The following SIK3 variants were observed in gnomAD, a reference collection of about 807,000 sequenced individuals.
The protein encoded by SIK3 is SIK family kinase 3.
SIK3 carries 28 observed loss-of-function variants against 144.2 expected under a neutral mutation model. The ratio of observed to expected loss-of-function variants is 0.19; its 90% CI spans 0.14 to 0.27. The LOEUF (loss-of-function observed/expected upper bound fraction) is 0.27, where lower values mean the gene tolerates loss of function less well. Among genes scored for constraint, SIK3 ranks in the 10% least tolerant of loss-of-function variants. The pLI is 1.00. For synonymous variants in SIK3, 686 were observed against 676.3 expected (o/e 1.01, Z -0.22); for missense variants, 1,319 against 1,776.0 (o/e 0.74, Z 4.62).
At chr11:117,072,031 A>G (rs1410656651) in intron 1 of SIK3, among the ~76,000 whole-genome samples, 1 of 152,156 alleles carries the variant, frequency 6.6e-6, no homozygotes, top group Non-Finnish European at 1.5e-5. Context: ...GAATTAACTC[A>G]AATCACTGAT....
At chr11:116,945,734 G>T (rs981411720) in intron 3 of SIK3, among the ~76,000 whole-genome samples, 1 of 152,088 alleles carries the variant, frequency 6.6e-6, no homozygotes, top group African/African-American at 2.4e-5. Flanking sequence ...TTACACACAG[G>T]TAATTGAGCA....
intron 1 of SIK3, among the ~76,000 whole-genome samples, chr11:117,053,866 C>T (rs1953384867): frequency 6.6e-6 from 1 of 152,090 alleles, no homozygotes; most frequent in Non-Finnish European, 1.5e-5. Flanking sequence ...AGGCTGGTCT[C>T]GAACTCCTGA....
chr11:117,069,305 T>C (rs924514122), intron 1 of SIK3, among the ~76,000 whole-genome samples: 11 of 151,702 alleles, frequency 7.3e-5, no homozygotes, highest in Admixed American at 1.3e-4. Context: ...TATAAATAAA[T>C]ACATGGCCAT....
At chr11:116,878,448 C>T (rs1201111822) in intron 6 of SIK3, among the ~76,000 whole-genome samples, 1 of 150,626 alleles carries the variant, frequency 6.6e-6, no homozygotes, top group Non-Finnish European at 1.5e-5. Flanking sequence ...TGTGCGATCT[C>T]GGCTCACTGC....
chr11:116,848,915 A>G (rs1942206322), intron 22 of SIK3, among the ~76,000 whole-genome samples: 1 of 152,216 alleles, frequency 6.6e-6, no homozygotes, highest in Admixed American at 6.5e-5. Context: ...GTGAGCTGAT[A>G]TCGCGCCACT....
chr11:117,094,294 C>A (rs919112617), intron 1 of SIK3, among the ~76,000 whole-genome samples: 2 of 152,100 alleles, frequency 1.3e-5, no homozygotes, highest in Admixed American at 1.3e-4. Flanking sequence ...TATAGTCATG[C>A]ATACTTTAAA....
chr11:116,936,425 C>G (rs1039305026), intron 3 of SIK3, among the ~76,000 whole-genome samples: 1 of 152,192 alleles, frequency 6.6e-6, no homozygotes, highest in Admixed American at 6.5e-5. Flanking sequence ...ATGCACCTAC[C>G]TCAGCCTCCC....
chr11:116,951,453 A>G (rs570513821), intron 3 of SIK3, among the ~76,000 whole-genome samples: 2 of 152,320 alleles, frequency 1.3e-5, no homozygotes, highest in Non-Finnish European at 2.9e-5. Context: ...GTTACAATAT[A>G]TAATTATAGG....
chr11:116,966,921 C>T (rs1949570168), intron 1 of SIK3, among the ~76,000 whole-genome samples: 1 of 148,334 alleles, frequency 6.7e-6, no homozygotes, highest in Non-Finnish European at 1.5e-5. Flanking sequence ...AGGGGAATTG[C>T]TTGAACCAGG....
chr11:117,002,222 C>A (rs1431838318), intron 1 of SIK3, among the ~76,000 whole-genome samples: 1 of 152,214 alleles, frequency 6.6e-6, no homozygotes, highest in Non-Finnish European at 1.5e-5. Context: ...GGGCTACATG[C>A]GTCCCAGGAC....
At position 117,058,260 on chromosome 11, in the gene SIK3, A is replaced by G; in HGVS notation, c.273+39883T>C. Among the ~76,000 whole-genome samples, 2 of 152,248 alleles carry G rather than the reference A, an allele frequency of 1.3e-5. 1 individual carries two copies. Among genetic ancestry groups the G allele is most frequent in the Admixed American group, 1.3e-4 (2 of 15,288 alleles). On this transcript the variant is annotated intron_variant, in intron 1 of 24. Coordinates refer to ENST00000445177, the MANE Select transcript of SIK3 (RefSeq NM_001366686.3). ...CCTCTGGCCAGGTGCAGTGGCTCAC[A>G]CCTGTAATCCCAGCACTTTGGCAGG... is the stretch of plus-strand genomic sequence containing the variant.
chr11:117,048,708 G>A lies in SIK3; in HGVS notation c.273+49435C>T, dbSNP rs557320210. On this transcript the variant is annotated intron_variant, in intron 1 of 24. Transcript: ENST00000445177. Reference sequence around the variant, plus strand: ...TTATTAAACCAACTTCTTTCTCCCAGTATCTACTAAGAAAGGTCTATGCGG... The same window carrying A: ...TTATTAAACCAACTTCTTTCTCCCAATATCTACTAAGAAAGGTCTATGCGG... Among the ~76,000 whole-genome samples the A allele has an allele frequency of 3.7e-4, 57 of 152,116 alleles. No individual in the cohort carries two copies. In the Middle Eastern group the frequency reaches 0.01, roughly 27 times the overall value.
intron 6 of SIK3, among the ~76,000 whole-genome samples, chr11:116,893,208 T>C (rs992960333): frequency 6.6e-6 from 1 of 152,184 alleles, no homozygotes; most frequent in African/African-American, 2.4e-5. Flanking sequence ...CTATGGACTT[T>C]GGGTGATAAT....
chr11:116,930,599 C>T (rs1205683142), intron 3 of SIK3, among the ~76,000 whole-genome samples: 1 of 152,154 alleles, frequency 6.6e-6, no homozygotes, highest in Non-Finnish European at 1.5e-5. Context: ...GTAAAATGTA[C>T]GTTGAACCTT....
intron 1 of SIK3, among the ~76,000 whole-genome samples, chr11:116,962,813 T>C (rs1460709926): frequency 6.6e-6 from 1 of 152,186 alleles, no homozygotes; most frequent in African/African-American, 2.4e-5. Flanking sequence ...CATTTTTATA[T>C]TGATTACATG....
At chr11:117,031,019 TGA>T (rs2135796149) in intron 1 of SIK3, among the ~76,000 whole-genome samples, 1 of 152,354 alleles carries the variant, frequency 6.6e-6, no homozygotes, top group Admixed American at 6.5e-5. Flanking sequence ...TTTTTAATAC[TGA>T]GTTTGGAGTT....
At chr11:117,055,982 A>T (rs1412325437) in intron 1 of SIK3, among the ~76,000 whole-genome samples, 2 of 152,256 alleles carry the variant, frequency 1.3e-5, no homozygotes, top group Non-Finnish European at 2.9e-5. Flanking sequence ...TGTTATTTAT[A>T]AATTACCCAG....
At position 117,009,594 on chromosome 11, in the gene SIK3, A is replaced by C. The variant is rs923646752; in HGVS notation, c.274-52530T>G. ...AAACAAAACAGAGAAACTCTGACGC[A>C]AAAGTCAAGATTTATTGTTTAAAAT... On this transcript the variant is annotated intron_variant, in intron 1 of 24. Transcript: ENST00000445177. 2.0e-5 allele frequency among the ~76,000 whole-genome samples: 3 copies of C among 152,140 alleles called. No individual in the cohort carries two copies. The East Asian group carries it at 5.8e-4, about 29-fold the overall frequency.
intron 6 of SIK3, among the ~76,000 whole-genome samples, chr11:116,879,814 C>T (rs915286511): frequency 6.6e-6 from 1 of 152,192 alleles, no homozygotes; most frequent in Non-Finnish European, 1.5e-5. Context: ...CAACAGTACG[C>T]TTTATTAAAA....
Sources: allele counts gnomAD v4.1 joint callset (sites outside exome capture counted in the v4.1 genomes callset), GRCh38; gene constraint gnomAD v4.1.1; transcripts MANE v1.5; gene names NCBI Gene and HGNC (gene_info 2026-07-23, HGNC 2026-07-21).